The following B3GAT2 variants were observed in gnomAD, a reference collection of about 807,000 sequenced individuals.
B3GAT2 encodes the protein beta-1,3-glucuronyltransferase 2, also known as galactosylgalactosylxylosylprotein 3-beta-glucuronosyltransferase 2.
A neutral mutation model predicts 27.8 loss-of-function variants in B3GAT2; 26 were observed. The ratio of observed to expected loss-of-function variants is 0.93; its 90% CI spans 0.68 to 1.30. The LOEUF (loss-of-function observed/expected upper bound fraction) is 1.30, where lower values mean the gene tolerates loss of function less well. B3GAT2 is among the 50% of genes most tolerant of loss of function. B3GAT2 has a pLI of 0.00. For missense variants in B3GAT2, 458 were observed against 459.0 expected (o/e 1.00, Z 0.02); for synonymous variants, 218 against 195.1 (o/e 1.12, Z -0.98).
At chr6:70,918,217 G>C (rs2150041151) in intron 1 of B3GAT2, among the ~76,000 whole-genome samples, 1 of 152,254 alleles carries the variant, frequency 6.6e-6, no homozygotes, top group Non-Finnish European at 1.5e-5. Context: ...CAGAGACCAG[G>C]ATGGCAAACC....
intron 2 of B3GAT2, among the ~76,000 whole-genome samples, chr6:70,887,883 C>A (rs1467514540): frequency 6.6e-5 from 10 of 152,136 alleles, no homozygotes; most frequent in African/African-American, 2.4e-4. Context: ...AGGAAGTGAT[C>A]TCTGCCCGCA....
chr6:70,932,899 T>C (rs1393606357), intron 1 of B3GAT2, among the ~76,000 whole-genome samples: 1 of 152,156 alleles, frequency 6.6e-6, no homozygotes, highest in Non-Finnish European at 1.5e-5. Context: ...ACTCCAGGTC[T>C]CAAACAATCC....
intron 2 of B3GAT2, 93 bp from the exon 3 acceptor site, chr6:70,862,071 T>A (rs1266406216): frequency 8.7e-7 from 1 of 1,151,624 alleles, no homozygotes; most frequent in African/African-American, 1.6e-5. Flanking sequence ...AAACAGTTTT[T>A]AAAATACCTA....
chr6:70,870,706 G>C (rs567150364), intron 2 of B3GAT2, among the ~76,000 whole-genome samples: 1 of 152,210 alleles, frequency 6.6e-6, no homozygotes, highest in Admixed American at 6.5e-5. Context: ...AAAAGATCAT[G>C]TCATTGATAA....
intron 1 of B3GAT2, among the ~76,000 whole-genome samples, chr6:70,917,537 GC>G (rs1402607575): frequency 1.3e-5 from 2 of 152,158 alleles, no homozygotes; most frequent in Non-Finnish European, 2.9e-5. Flanking sequence ...GACACTTAGT[GC>G]TGTAAATTTC....
rs544104223 is a variant in B3GAT2, at chr6:70,942,924, T to G, written c.591+12915A>C. 3.5e-4 allele frequency among the ~76,000 whole-genome samples: 54 copies of G among 152,288 alleles called. 1 individual carries two copies. The South Asian group carries it at 7.7e-3, about 22-fold the overall frequency. ...GGTCAGCATTTAGCACACTCAGCTT[T>G]CACTAGAGATGCAGGTACAATTTAG... On this transcript the variant is annotated intron_variant, in intron 1 of 3. Coordinates refer to ENST00000230053, the MANE Select transcript of B3GAT2 (RefSeq NM_080742.3).
intron 2 of B3GAT2, among the ~76,000 whole-genome samples, chr6:70,884,739 A>C (rs1443404044): frequency 6.6e-6 from 1 of 152,250 alleles, no homozygotes; most frequent in South Asian, 2.1e-4. Context: ...GTGACATTGC[A>C]TATCCTAGGC....
chr6:70,872,849 ATTTTC>A (rs1020449791), intron 2 of B3GAT2, among the ~76,000 whole-genome samples: 2 of 151,696 alleles, frequency 1.3e-5, no homozygotes, highest in African/African-American at 4.8e-5. Flanking sequence ...CATTTGAGTT[ATTTTC>A]TTAGAGGTTG....
intron 1 of B3GAT2, among the ~76,000 whole-genome samples, chr6:70,911,334 G>A (rs969417685): frequency 1.8e-4 from 27 of 152,118 alleles, no homozygotes; most frequent in African/African-American, 6.5e-4. Flanking sequence ...TATATATGGT[G>A]ATAGGAAGTG....
At chr6:70,946,422 G>A (rs1210925367) in intron 1 of B3GAT2, among the ~76,000 whole-genome samples, 3 of 151,914 alleles carry the variant, frequency 2.0e-5, no homozygotes, top group Non-Finnish European at 2.9e-5. Flanking sequence ...AAAGGCAGGG[G>A]TTGCAATCCT....
At chr6:70,945,950 G>A (rs1191850826) in intron 1 of B3GAT2, among the ~76,000 whole-genome samples, 1 of 151,864 alleles carries the variant, frequency 6.6e-6, no homozygotes, top group Non-Finnish European at 1.5e-5. Flanking sequence ...TTTCAACCCA[G>A]AATCTCATAT....
chr6:70,948,075 G>A lies in B3GAT2; in HGVS notation c.591+7764C>T, dbSNP rs1226923593. ...TCAATAAATTAGGTATTGATGGGACGTATCTCAAAATAATAAGAGCTATCT... is the reference window on the plus strand; with the variant it reads ...TCAATAAATTAGGTATTGATGGGACATATCTCAAAATAATAAGAGCTATCT... On this transcript the variant is annotated intron_variant, in intron 1 of 3. Coordinates refer to ENST00000230053, the MANE Select transcript of B3GAT2 (RefSeq NM_080742.3). Among the ~76,000 whole-genome samples, 7 of 151,326 alleles carry A rather than the reference G, an allele frequency of 4.6e-5. No homozygotes were observed. The East Asian group carries it at 1.4e-3, about 30-fold the overall frequency.
rs1322083538 is a variant in B3GAT2 at position 70,956,133 on chromosome 6, G to A, written c.297C>T (p.Thr99=). 6 of 1,605,146 alleles carry A rather than the reference G, an allele frequency of 3.7e-6. No homozygotes were observed. Among genetic ancestry groups the A allele is most frequent in the Non-Finnish European group, 5.1e-6 (6 of 1,175,920 alleles). The part of the protein sequence containing the change: ...YSRPVQKAEL[T]RLANTFRQVA... The stretch of plus-strand genomic sequence containing the variant: ...CCTGGCGGAACGTGTTGGCCAGGCG[G>A]GTCAGCTCCGCTTTCTGCACCGGGC... Residue 99 remains threonine, a synonymous_variant, in exon 1 of 4, where the codon ACC becomes ACT. Coordinates refer to ENST00000230053, the MANE Select transcript of B3GAT2 (RefSeq NM_080742.3).
At chr6:70,895,495 A>ATTTTTTTT (rs59066944) in intron 1 of B3GAT2, among the ~76,000 whole-genome samples, 1 of 76,612 alleles carries the variant, frequency 1.3e-5, no homozygotes. Flanking sequence ...CAAAAAGGGG[A>ATTTTTTTT]TTTTTTTTTT....
chr6:70,881,926 T>C lies in B3GAT2; in HGVS notation c.736+12202A>G, dbSNP rs555435461. Among the ~76,000 whole-genome samples, 233 of 152,316 alleles carry C rather than the reference T, an allele frequency of 1.5e-3. 2 individuals are homozygous for C. Among genetic ancestry groups the C allele is most frequent in the Middle Eastern group, 3.4e-3 (1 of 294 alleles). The stretch of plus-strand genomic sequence containing the variant: ...ACATGTCCTTTTCTGTTTTCCAGCA[T>C]GGTTTTAGATATTTTCCTACTTTCT... On this transcript the variant is annotated intron_variant, in intron 2 of 3. Transcript: ENST00000230053.
intron 1 of B3GAT2, among the ~76,000 whole-genome samples, chr6:70,946,561 G>A (rs567188380): frequency 6.6e-6 from 1 of 152,130 alleles, no homozygotes; most frequent in South Asian, 2.1e-4. Context: ...CCCAATACAG[G>A]AGCACCCAGA....
At position 70,860,842 on chromosome 6, in the gene B3GAT2, T is replaced by C; in HGVS notation, c.*821A>G. On this transcript the variant is annotated 3_prime_UTR_variant, in exon 4 of 4. Transcript: ENST00000230053. ...TTCATCATTCACTTCACTGTGCTGTTGTTATGATGTGCTTAACAGGGAACG... is the reference window on the plus strand; with the variant it reads ...TTCATCATTCACTTCACTGTGCTGTCGTTATGATGTGCTTAACAGGGAACG... 1 of 395,726 alleles carries C rather than the reference T, an allele frequency of 2.5e-6. No homozygotes were observed. The highest frequency in any genetic ancestry group is 2.1e-5 in the African/African-American group (1 of 48,674). 24.5% of individuals were successfully genotyped at this position (395,726 alleles called of 1,614,324 possible).
chr6:70,865,799 ATGAT>A (rs1205195596), intron 2 of B3GAT2, among the ~76,000 whole-genome samples: 3 of 152,204 alleles, frequency 2.0e-5, no homozygotes, highest in Non-Finnish European at 4.4e-5. Context: ...GGCAGACAAA[ATGAT>A]TGAAAAAAGT....
chr6:70,902,639 C>G (rs6455385), intron 1 of B3GAT2, among the ~76,000 whole-genome samples: 1 of 131,230 alleles, frequency 7.6e-6, no homozygotes, highest in African/African-American at 3.0e-5. Flanking sequence ...TATATATATA[C>G]ACACACACAC....
Sources: gnomAD v4.1 joint callset for allele counts (sites outside exome capture counted in the v4.1 genomes callset) on GRCh38, gnomAD v4.1.1 for gene constraint, MANE v1.5 for transcripts, NCBI Gene and HGNC (gene_info 2026-07-23, HGNC 2026-07-21) for gene names.